The following ASIC2 variants were observed in gnomAD, a reference collection of about 807,000 sequenced individuals.
ASIC2 encodes the protein acid-sensing ion channel 2.
A neutral mutation model predicts 57.3 loss-of-function variants in ASIC2; 25 were observed. That is an observed-to-expected ratio of 0.44 (90% CI 0.32 to 0.61). ASIC2 has a LOEUF of 0.61. ASIC2 is among the 20% of genes least tolerant of loss of function. The pLI, the probability that ASIC2 is intolerant of heterozygous loss-of-function variation, is 0.06. For synonymous variants in ASIC2, 319 were observed against 307.5 expected, an observed-to-expected ratio of 1.04 and a Z score of -0.39; for missense variants, 641 against 738.1, an observed-to-expected ratio of 0.87 and a Z score of 1.52.
chr17:33,693,907 C>A (rs1257257798), intron 1 of ASIC2, among the ~76,000 whole-genome samples: 1 of 152,138 alleles, frequency 6.6e-6, no homozygotes, highest in Non-Finnish European at 1.5e-5. Flanking sequence ...TCTTTTAGTT[C>A]TAGTGTCACG....
chr17:33,527,541 G>A (rs541700767), intron 1 of ASIC2, among the ~76,000 whole-genome samples: 10 of 152,242 alleles, frequency 6.6e-5, no homozygotes, highest in African/African-American at 7.2e-5. Context: ...GTGGGGTGTT[G>A]TGTGTCCCAC....
At chr17:34,088,452 C>A (rs1441300024) in intron 1 of ASIC2, among the ~76,000 whole-genome samples, 1 of 152,208 alleles carries the variant, frequency 6.6e-6, no homozygotes, top group East Asian at 1.9e-4. Context: ...TCTGCCCCTA[C>A]TGGGGAGTGC....
chr17:33,638,562 G>GTA (rs1475647239), intron 1 of ASIC2, among the ~76,000 whole-genome samples: 1 of 150,096 alleles, frequency 6.7e-6, no homozygotes, highest in Non-Finnish European at 1.5e-5. Context: ...TGCCTAGTTT[G>GTA]TACACACACA....
chr17:33,463,582 G>C lies in ASIC2; in HGVS notation c.556-351515C>G, dbSNP rs560298781. Among the ~76,000 whole-genome samples, 139 of 152,306 alleles carry C rather than the reference G, an allele frequency of 9.1e-4. 1 individual carries two copies. The highest frequency in any genetic ancestry group is 3.3e-3 in the African/African-American group (136 of 41,574). ...GGCAGGTAAGGTAGCATCTCCAGGG[G>C]ATTCCCTACTCCATGCAATCTGCCT... On this transcript the variant is annotated intron_variant, in intron 1 of 9. Coordinates refer to the ASIC2 transcript ENST00000359872.
At chr17:33,978,171 G>A (rs1246586603) in intron 1 of ASIC2, among the ~76,000 whole-genome samples, 2 of 152,196 alleles carry the variant, frequency 1.3e-5, no homozygotes, top group Non-Finnish European at 1.5e-5. Flanking sequence ...CTTCTCCACT[G>A]GATGGTAAAC....
Position 33,300,271 on chromosome 17 carries a change from TTG to T in ASIC2, c.556-188206_556-188205del, listed in dbSNP as rs145937777. On this transcript the variant is annotated intron_variant, in intron 1 of 9. Transcript: ENST00000359872. ...CACAAATGGTTGCAGTCAGTGAATG[TTG>T]TTGACTAAAGTAATTGTATTTCATG... is the stretch of plus-strand genomic sequence containing the variant. 4.4e-3 allele frequency among the ~76,000 whole-genome samples: 666 copies of T among 152,326 alleles called. 4 individuals are homozygous for T. The highest frequency in any genetic ancestry group is 0.015 in the African/African-American group (630 of 41,576).
chr17:33,052,854 C>T (rs548839409), intron 3 of ASIC2: 24 of 152,272 alleles, frequency 1.6e-4, no homozygotes, highest in African/African-American at 4.8e-4. Flanking sequence ...AGGAGAGGCA[C>T]GTGACTAGTT....
At chr17:33,956,570 C>G (rs1298798670) in intron 1 of ASIC2, among the ~76,000 whole-genome samples, 1 of 152,198 alleles carries the variant, frequency 6.6e-6, no homozygotes, top group Non-Finnish European at 1.5e-5. Context: ...CTACCTCTTA[C>G]TAATCCTTCA....
intron 1 of ASIC2, among the ~76,000 whole-genome samples, chr17:33,634,537 A>G (rs1360939134): frequency 2.2e-5 from 3 of 134,242 alleles, no homozygotes; most frequent in Non-Finnish European, 4.7e-5. Flanking sequence ...TTTTTTTGAG[A>G]CAGAGTCTCA....
chr17:33,785,520 G>A (rs1911577085), intron 1 of ASIC2, among the ~76,000 whole-genome samples: 1 of 152,140 alleles, frequency 6.6e-6, no homozygotes, highest in African/African-American at 2.4e-5. Context: ...TTCAAATTCA[G>A]GTCTACCTTC....
At chr17:33,444,143 G>T (rs1911928398) in intron 1 of ASIC2, among the ~76,000 whole-genome samples, 1 of 152,128 alleles carries the variant, frequency 6.6e-6, no homozygotes, top group Admixed American at 6.5e-5. Context: ...CTCCAAAATG[G>T]TTGTTTTTGA....
chr17:33,542,376 T>A (rs1356804639), intron 1 of ASIC2, among the ~76,000 whole-genome samples: 1 of 129,246 alleles, frequency 7.7e-6, no homozygotes, highest in African/African-American at 3.0e-5. Context: ...TGTAAAAGTG[T>A]TCCTATTTCT....
At chr17:33,450,520 G>C (rs1298947601) in intron 1 of ASIC2, among the ~76,000 whole-genome samples, 1 of 152,176 alleles carries the variant, frequency 6.6e-6, no homozygotes, top group Non-Finnish European at 1.5e-5. Flanking sequence ...ACTTTTCTCT[G>C]TTCCTGAAAG....
At chr17:33,944,132 A>C (rs954062775) in intron 1 of ASIC2, among the ~76,000 whole-genome samples, 1 of 152,156 alleles carries the variant, frequency 6.6e-6, no homozygotes, top group Non-Finnish European at 1.5e-5. Context: ...CTGTATAAGG[A>C]CTTGCTGATG....
chr17:33,595,987 T>C (rs760619383), intron 1 of ASIC2, among the ~76,000 whole-genome samples: 2 of 152,252 alleles, frequency 1.3e-5, no homozygotes, highest in Non-Finnish European at 2.9e-5. Flanking sequence ...CTACAGACTC[T>C]ATAATGCTCC....
chr17:33,330,938 T>G (rs1907288534), intron 1 of ASIC2, among the ~76,000 whole-genome samples: 1 of 152,156 alleles, frequency 6.6e-6, no homozygotes. Context: ...GTGTGTTTAA[T>G]GGACTATCTT....
chr17:33,671,340 T>C (rs909544914), intron 1 of ASIC2, among the ~76,000 whole-genome samples: 1 of 152,166 alleles, frequency 6.6e-6, no homozygotes, highest in Admixed American at 6.5e-5. Context: ...AAAAACTCCT[T>C]CAATAATAAA....
rs542052017 is a variant in ASIC2, at chr17:33,840,446, C to A, written c.555+315532G>T. On this transcript the variant is annotated intron_variant, in intron 1 of 9. Coordinates refer to the ASIC2 transcript ENST00000359872. ...GCTAAGGCATGAAGGAGTGTATGTACAGCACCGTATACTCTGGGAATAACT... is the reference window on the plus strand; with the variant it reads ...GCTAAGGCATGAAGGAGTGTATGTAAAGCACCGTATACTCTGGGAATAACT... Among the ~76,000 whole-genome samples, 6 of 152,332 alleles carry A rather than the reference C, an allele frequency of 3.9e-5. No individual in the cohort carries two copies. In the South Asian group the frequency reaches 1.2e-3, roughly 32 times the overall value.
intron 1 of ASIC2, among the ~76,000 whole-genome samples, chr17:33,471,650 A>G (rs1309711573): frequency 1.3e-5 from 2 of 152,124 alleles, no homozygotes; most frequent in Non-Finnish European, 2.9e-5. Context: ...ATGGAAGGAG[A>G]TACTGCCTTT....
Sources: allele counts gnomAD v4.1 joint callset (sites outside exome capture counted in the v4.1 genomes callset), GRCh38; gene constraint gnomAD v4.1.1; transcripts MANE v1.5; gene names NCBI Gene and HGNC (gene_info 2026-07-23, HGNC 2026-07-21).